Variants in PTPRK observed in about 807,000 individuals in gnomAD.
PTPRK encodes the protein receptor-type tyrosine-protein phosphatase kappa.
Under a neutral mutation model 178.0 loss-of-function variants are expected in PTPRK, and 75 were observed. The observed-to-expected ratio is 0.42, with a 90% CI of 0.35 to 0.51. PTPRK has a LOEUF of 0.51. PTPRK is among the 20% of genes least tolerant of loss of function. The pLI, the probability that PTPRK is intolerant of heterozygous loss-of-function variation, is 0.02. For missense variants in PTPRK, 1,441 were observed against 1,797.8 expected, an observed-to-expected ratio of 0.80 and a Z score of 3.59; for synonymous variants, 637 against 620.6, an observed-to-expected ratio of 1.03 and a Z score of -0.39.
intron 5 of PTPRK, among the ~76,000 whole-genome samples, chr6:128,239,116 A>G (rs1396336768): frequency 1.4e-5 from 2 of 147,218 alleles, no homozygotes; most frequent in African/African-American, 5.2e-5. Flanking sequence ...AAGAAATTAA[A>G]CTCATCTTGT....
intron 2 of PTPRK, among the ~76,000 whole-genome samples, chr6:128,335,362 C>T (rs376084839): frequency 8.0e-5 from 12 of 149,828 alleles, no homozygotes; most frequent in East Asian, 2.0e-4. Flanking sequence ...AGCCAAAAAT[C>T]GGTCTGCTTG....
At chr6:128,170,491 C>G (rs993870927) in intron 7 of PTPRK, among the ~76,000 whole-genome samples, 1 of 152,004 alleles carries the variant, frequency 6.6e-6, no homozygotes, top group African/African-American at 2.4e-5. Flanking sequence ...CTTGCACTTT[C>G]TAAAGGTAAT....
Position 127,992,719 on chromosome 6 carries a change from G to A in PTPRK, c.2845-10C>T, listed in dbSNP as rs758152529. On this transcript the variant is annotated splice_polypyrimidine_tract_variant and intron_variant, in intron 18 of 29. Coordinates refer to ENST00000368226, the MANE Select transcript of PTPRK (RefSeq NM_002844.4). The stretch of plus-strand genomic sequence containing the variant: ...TTGGTCTCTGGTAGCCCTAAAATAA[G>A]AGAACAAATTAGTTATCATTTTACA... 1.9e-6 allele frequency: 3 copies of A among 1,569,292 alleles called. No homozygotes were observed. The East Asian group carries it at 6.9e-5, about 36-fold the overall frequency.
chr6:128,162,195 C>T (rs1798804218), intron 7 of PTPRK, among the ~76,000 whole-genome samples: 1 of 151,642 alleles, frequency 6.6e-6, no homozygotes, highest in African/African-American at 2.4e-5. Context: ...ATTTTACAAG[C>T]AGATGAACCT....
chr6:128,451,796 A>G (rs1272452525), intron 1 of PTPRK, among the ~76,000 whole-genome samples: 2 of 152,176 alleles, frequency 1.3e-5, no homozygotes, highest in Admixed American at 6.6e-5. Flanking sequence ...GTTATTTTAG[A>G]CTGTCAGTAA....
At chr6:127,992,331 G>A (rs1776703475) in intron 19 of PTPRK, among the ~76,000 whole-genome samples, 1 of 151,698 alleles carries the variant, frequency 6.6e-6, no homozygotes, top group African/African-American at 2.4e-5. Context: ...CAAGAAGACA[G>A]GCCTCTTATA....
At chr6:128,382,942 C>G (rs116327565) in intron 2 of PTPRK, among the ~76,000 whole-genome samples, 2,174 of 152,228 alleles carry the variant, frequency 0.014, 55 homozygotes, top group African/African-American at 0.049. Context: ...AAATGTCATC[C>G]TATTTTTTAA....
At chr6:128,181,608 A>G (rs1183695227) in intron 7 of PTPRK, among the ~76,000 whole-genome samples, 1 of 152,076 alleles carries the variant, frequency 6.6e-6, no homozygotes, top group East Asian at 1.9e-4. Flanking sequence ...GTATTTCCCA[A>G]GATTATGAAG....
At chr6:128,293,501 ATAC>A (rs1823756553) in intron 3 of PTPRK, among the ~76,000 whole-genome samples, 1 of 152,060 alleles carries the variant, frequency 6.6e-6, no homozygotes, top group Admixed American at 6.6e-5. Flanking sequence ...TTAATAGAGG[ATAC>A]ATTCAAACCA....
At chr6:128,479,864 C>T (rs1851837277) in intron 1 of PTPRK, among the ~76,000 whole-genome samples, 2 of 152,094 alleles carry the variant, frequency 1.3e-5, no homozygotes, top group African/African-American at 2.4e-5. Flanking sequence ...ATCTTCATTT[C>T]CTCCACAAAA....
At chr6:128,469,490 A>G (rs1850328245) in intron 1 of PTPRK, among the ~76,000 whole-genome samples, 1 of 152,176 alleles carries the variant, frequency 6.6e-6, no homozygotes, top group Admixed American at 6.6e-5. Context: ...AGTGTTGAGG[A>G]TAGGAGAAGA....
chr6:128,271,664 C>G (rs942324383), intron 3 of PTPRK, among the ~76,000 whole-genome samples: 2 of 152,006 alleles, frequency 1.3e-5, no homozygotes, highest in African/African-American at 4.8e-5. Context: ...TTCACAAAAC[C>G]CTAGCAGCAC....
intron 7 of PTPRK, among the ~76,000 whole-genome samples, chr6:128,144,907 A>G (rs1454369918): frequency 6.6e-6 from 1 of 152,172 alleles, no homozygotes; most frequent in East Asian, 1.9e-4. Flanking sequence ...ACAATAACAT[A>G]TGTTCAATGC....
At chr6:128,152,565 A>AC (rs1797414998) in intron 7 of PTPRK, among the ~76,000 whole-genome samples, 1 of 151,762 alleles carries the variant, frequency 6.6e-6, no homozygotes, top group African/African-American at 2.4e-5. Flanking sequence ...GGAAAAAAAA[A>AC]AAATCAATGT....
In PTPRK at chr6:127,976,589, A is replaced by C. The variant is rs968705277; in HGVS notation, c.3969+68T>G. On this transcript the variant is annotated intron_variant, in intron 27 of 29. Transcript: ENST00000368226. Reference sequence around the variant, plus strand: ...TGTAGTCTCCCTGTTGTCTGAATAAAATTATACCACATCTTGGTTATGACT... The same window carrying C: ...TGTAGTCTCCCTGTTGTCTGAATAACATTATACCACATCTTGGTTATGACT... The C allele has an allele frequency of 9.5e-6, 15 of 1,575,964 alleles. No individual in the cohort carries two copies. The African/African-American group carries it at 1.1e-4, about 11-fold the overall frequency.
rs755893062 is a variant in PTPRK at position 127,973,052 on chromosome 6, C to T, written c.4239G>A (p.Arg1413=). 42 of 1,613,936 alleles carry T rather than the reference C, an allele frequency of 2.6e-5. No homozygotes were observed. The highest frequency in any genetic ancestry group is 3.6e-5 in the Non-Finnish European group (42 of 1,179,956). The part of the protein sequence containing the change: ...VDVFHAVKTL[R]NSKPNMVEAP... Reference sequence around the variant, plus strand: ...CTTCCACCATGTTTGGCTTGCTGTTCCTCAGTGTCTTTACTGCATGGAAAA... The same window carrying T: ...CTTCCACCATGTTTGGCTTGCTGTTTCTCAGTGTCTTTACTGCATGGAAAA... The change falls in exon 29 of 30, where the codon AGG becomes AGA. Residue 1413 remains arginine, a synonymous_variant. Coordinates refer to ENST00000368226, the MANE Select transcript of PTPRK (RefSeq NM_002844.4).
chr6:128,063,772 T>G (rs1781279289), intron 13 of PTPRK, among the ~76,000 whole-genome samples: 1 of 152,232 alleles, frequency 6.6e-6, no homozygotes. Context: ...TTCACAAGCG[T>G]CAAAGAGAAA....
At chr6:128,325,019 TA>T (rs1253892592) in intron 2 of PTPRK, among the ~76,000 whole-genome samples, 1 of 152,214 alleles carries the variant, frequency 6.6e-6, no homozygotes. Context: ...ACCAGCTAAC[TA>T]ATTCCTCAGA....
chr6:127,980,981 ATG>A (rs1775278601), intron 25 of PTPRK, 133 bp downstream of exon 25: 3 of 828,714 alleles, frequency 3.6e-6, no homozygotes, highest in Admixed American at 3.2e-5. Flanking sequence ...TTCCAAAAAA[ATG>A]TGTTTCAATA....
Sources: allele counts gnomAD v4.1 joint callset (sites outside exome capture counted in the v4.1 genomes callset), GRCh38; gene constraint gnomAD v4.1.1; transcripts MANE v1.5; gene names NCBI Gene and HGNC (gene_info 2026-07-23, HGNC 2026-07-21).